CAMK4: variants seen among roughly 807,000 people sequenced by gnomAD.
CAMK4 encodes calcium/calmodulin dependent protein kinase IV, also known as calcium/calmodulin-dependent protein kinase type IV.
In CAMK4, 22 loss-of-function variants were observed where a neutral mutation model predicts 44.9. That is an observed-to-expected ratio of 0.49 (90% CI 0.35 to 0.70). The LOEUF (loss-of-function observed/expected upper bound fraction) is 0.70. Among genes scored for constraint, CAMK4 ranks in the 30% least tolerant of loss-of-function variants. The pLI, the probability that CAMK4 is intolerant of heterozygous loss-of-function variation, is 0.01. For synonymous variants in CAMK4, 218 were observed against 215.4 expected, an observed-to-expected ratio of 1.01 and a Z score of -0.11; for missense variants, 498 against 586.8, an observed-to-expected ratio of 0.85 and a Z score of 1.56.
At chr5:111,360,333 G>A (rs983296355) in intron 2 of CAMK4, among the ~76,000 whole-genome samples, 2 of 152,022 alleles carry the variant, frequency 1.3e-5, no homozygotes, top group Non-Finnish European at 2.9e-5. Flanking sequence ...GCATGAAGAG[G>A]CCACATACCA....
intron 4 of CAMK4, among the ~76,000 whole-genome samples, chr5:111,380,022 C>G (rs1001322762): frequency 1.3e-5 from 2 of 152,020 alleles, no homozygotes; most frequent in African/African-American, 2.4e-5. Flanking sequence ...GAAGAAAGCT[C>G]CCATGAAGTT....
chr5:111,373,630 G>A lies in CAMK4; in HGVS notation c.241-1220G>A, dbSNP rs188651403. Among the ~76,000 whole-genome samples, 165 of 152,168 alleles carry A rather than the reference G, an allele frequency of 1.1e-3. 1 individual carries two copies. The highest frequency in any genetic ancestry group is 6.8e-3 in the Middle Eastern group (2 of 294). On this transcript the variant is annotated intron_variant, in intron 2 of 10. Coordinates refer to ENST00000282356, the MANE Select transcript of CAMK4 (RefSeq NM_001744.6). ...TGATATGCGCTTGGATTTCTCCTGAGGTCAACCTTTTCTTCCTCAGGAGAA... is the reference window on the plus strand; with the variant it reads ...TGATATGCGCTTGGATTTCTCCTGAAGTCAACCTTTTCTTCCTCAGGAGAA...
intron 5 of CAMK4, among the ~76,000 whole-genome samples, chr5:111,439,685 G>A (rs1289636412): frequency 6.6e-6 from 1 of 152,272 alleles, no homozygotes; most frequent in East Asian, 1.9e-4. Flanking sequence ...GCAGGCAATA[G>A]AGATTTGGGA....
At chr5:111,318,382 T>A (rs1748522762) in intron 1 of CAMK4, among the ~76,000 whole-genome samples, 1 of 152,224 alleles carries the variant, frequency 6.6e-6, no homozygotes, top group Admixed American at 6.5e-5. Context: ...ATGAGTAAAG[T>A]GAGGCTCATT....
In CAMK4 at chr5:111,395,230, A is replaced by AAG. The variant is rs1554067596; in HGVS notation, c.459+449_459+450insGA. On this transcript the variant is annotated intron_variant, in intron 5 of 10. Transcript: ENST00000282356. ...CTGTCTCAAAAAAAAAAAAAAAAGA[A>AAG]AAAAAAAAAGAAAAAGAAAAAAGAA... 1.1e-3 allele frequency among the ~76,000 whole-genome samples: 115 copies of AAG among 106,428 alleles called. 7 individuals are homozygous for AAG. In the South Asian group the frequency reaches 0.022, roughly 20 times the overall value. The allele number at this position is 106,428 out of a possible 152,430, so 69.8% of individuals were successfully genotyped here. A position where few individuals can be genotyped will look rare whatever the true frequency, so the allele number is the denominator to read the frequency against.
At chr5:111,323,927 G>T (rs1176833686) in intron 1 of CAMK4, among the ~76,000 whole-genome samples, 5 of 151,972 alleles carry the variant, frequency 3.3e-5, no homozygotes, top group African/African-American at 4.8e-5. Flanking sequence ...AGTCCCTGAA[G>T]TAAAATATAG....
At chr5:111,245,270 T>C (rs1312214284) in intron 1 of CAMK4, among the ~76,000 whole-genome samples, 1 of 152,212 alleles carries the variant, frequency 6.6e-6, no homozygotes, top group Non-Finnish European at 1.5e-5. Context: ...TTTTCTTCTT[T>C]ACCCCAGTCA....
intron 9 of CAMK4, among the ~76,000 whole-genome samples, chr5:111,480,465 C>T (rs1755398271): frequency 6.6e-6 from 1 of 152,084 alleles, no homozygotes; most frequent in Non-Finnish European, 1.5e-5. Flanking sequence ...TAATGGTCCT[C>T]CTTAATTAGA....
chr5:111,423,513 T>C (rs1753106659), intron 5 of CAMK4, among the ~76,000 whole-genome samples: 1 of 152,228 alleles, frequency 6.6e-6, no homozygotes, highest in African/African-American at 2.4e-5. Context: ...TTTGAAATGT[T>C]CCCTTGAATG....
intron 2 of CAMK4, among the ~76,000 whole-genome samples, chr5:111,355,894 G>T: frequency 8.0e-6 from 1 of 125,384 alleles, no homozygotes; most frequent in Admixed American, 8.5e-5. Flanking sequence ...TCTTAATCCA[G>T]TCTATCATTG....
At chr5:111,424,043 A>G (rs1032250047) in intron 5 of CAMK4, among the ~76,000 whole-genome samples, 2 of 152,254 alleles carry the variant, frequency 1.3e-5, no homozygotes, top group Admixed American at 1.3e-4. Flanking sequence ...TAAATAAGTG[A>G]CTCCAGAGTT....
Position 111,396,631 on chromosome 5 carries a change from C to CTTTTTTTTTTTTTTTTTTT in CAMK4, c.459+1858_459+1876dup, listed in dbSNP as rs540495109. On this transcript the variant is annotated intron_variant, in intron 5 of 10. Coordinates refer to ENST00000282356, the MANE Select transcript of CAMK4 (RefSeq NM_001744.6). ...ACTTTAATTGCCATTAACTCATATT[C>CTTTTTTTTTTTTTTTTTTT]TTTTTTTTTTTTTTTTTTTTTTTTT... Among the ~76,000 whole-genome samples the CTTTTTTTTTTTTTTTTTTT allele has an allele frequency of 6.0e-4, 28 of 47,016 alleles. 6 individuals are homozygous for CTTTTTTTTTTTTTTTTTTT. The highest frequency in any genetic ancestry group is 7.5e-4 in the Non-Finnish European group (21 of 27,864). 30.8% of individuals were successfully genotyped at this position (47,016 alleles called of 152,430 possible). A position where few individuals can be genotyped will look rare whatever the true frequency, so the allele number is the denominator to read the frequency against.
chr5:111,451,926 A>G (rs1402293875), intron 7 of CAMK4, among the ~76,000 whole-genome samples: 1 of 152,186 alleles, frequency 6.6e-6, no homozygotes, highest in Non-Finnish European at 1.5e-5. Context: ...TTCCTTGGTC[A>G]TTGGCAGAAA....
At chr5:111,466,953 TAGTCACCAAAACAACATGGTA>T (rs1754857450) in intron 7 of CAMK4, among the ~76,000 whole-genome samples, 1 of 152,128 alleles carries the variant, frequency 6.6e-6, no homozygotes, top group Admixed American at 6.6e-5. Context: ...TGTAAGGCCT[TAGTCACCAAAACAACATGGTA>T]CTGGTATAAA....
chr5:111,466,252 G>T (rs1347341726), intron 7 of CAMK4, among the ~76,000 whole-genome samples: 1 of 152,104 alleles, frequency 6.6e-6, no homozygotes, highest in Non-Finnish European at 1.5e-5. Context: ...AATACCGAAT[G>T]GGGAAAAGTT....
intron 4 of CAMK4, among the ~76,000 whole-genome samples, chr5:111,381,444 A>G (rs1300862418): frequency 1.3e-5 from 2 of 152,172 alleles, no homozygotes; most frequent in African/African-American, 4.8e-5. Flanking sequence ...TAAGTCCAAG[A>G]GTCGGAAAGC....
intron 7 of CAMK4, among the ~76,000 whole-genome samples, chr5:111,464,546 A>G (rs1005906809): frequency 1.3e-5 from 2 of 152,186 alleles, no homozygotes; most frequent in African/African-American, 4.8e-5. Context: ...AAGGTTATCT[A>G]AAGTCAAGAC....
chr5:111,277,474 A>G (rs1210001690), intron 1 of CAMK4: 2 of 152,236 alleles, frequency 1.3e-5, no homozygotes, highest in Non-Finnish European at 2.9e-5. Context: ...TCAACAGACT[A>G]GAAGCTATCT....
chr5:111,465,539 C>T (rs1271193882), intron 7 of CAMK4, among the ~76,000 whole-genome samples: 1 of 152,098 alleles, frequency 6.6e-6, no homozygotes, highest in Non-Finnish European at 1.5e-5. Context: ...ACCAATACCA[C>T]AGAAATGCAA....
Sources: allele counts gnomAD v4.1 joint callset (sites outside exome capture counted in the v4.1 genomes callset), GRCh38; gene constraint gnomAD v4.1.1; transcripts MANE v1.5; gene names NCBI Gene and HGNC (gene_info 2026-07-23, HGNC 2026-07-21).